The following SEPTIN4 variants were observed in gnomAD, a reference collection of about 807,000 sequenced individuals.
The protein encoded by SEPTIN4 is septin-4.
SEPTIN4 carries 52 observed loss-of-function variants against 107.1 expected under a neutral mutation model. The observed-to-expected ratio is 0.49, with a 90% CI of 0.39 to 0.61. SEPTIN4 has a LOEUF of 0.61. Ranked by LOEUF, SEPTIN4 falls within the 20% of genes least tolerant of loss-of-function variation. The pLI, the probability that SEPTIN4 is intolerant of heterozygous loss-of-function variation, is 0.00. For missense variants in SEPTIN4, 1,048 were observed against 1,243.5 expected (o/e 0.84, Z 2.36); for synonymous variants, 417 against 467.0 (o/e 0.89, Z 1.38).
At chr17:58,527,826 C>A in intron 3 of SEPTIN4, 2 of 985,588 alleles carry the variant, frequency 2.0e-6, no homozygotes, top group South Asian at 9.4e-5. Flanking sequence ...GTCTCCTTAC[C>A]CCCTCTGCCC....
chr17:58,540,661 CT>C lies in SEPTIN4; in HGVS notation c.1614+4del. On this transcript the variant is annotated splice_donor_region_variant and intron_variant, in intron 3 of 13. Transcript: ENST00000672673. Reference sequence around the variant, plus strand: ...CTGGGAGTAACCTCCCAGGGGCATTCTTACCTCCTCATCTGTCATAACAGAG... The same window carrying C: ...CTGGGAGTAACCTCCCAGGGGCATTCTACCTCCTCATCTGTCATAACAGAG... 7.3e-7 allele frequency: 1 copy of C among 1,362,940 alleles called. No individual in the cohort carries two copies. Among genetic ancestry groups the C allele is most frequent in the African/African-American group, 1.5e-5 (1 of 65,958 alleles). 84.4% of individuals were successfully genotyped at this position (1,362,940 alleles called of 1,614,324 possible). A position where few individuals can be genotyped will look rare whatever the true frequency, so the allele number is the denominator to read the frequency against.
intron 3 of SEPTIN4, chr17:58,527,225 C>T (rs2043013174): frequency 1.3e-6 from 1 of 744,372 alleles, no homozygotes; most frequent in South Asian, 1.4e-5. Context: ...CCTGGGCACC[C>T]CCAGAGCCCT....
chr17:58,520,510 T>A, intron 13 of SEPTIN4, 25 bp from the exon 14 acceptor site: 1 of 1,613,362 alleles, frequency 6.2e-7, no homozygotes, highest in Non-Finnish European at 8.5e-7. Context: ...GGCATCAAAA[T>A]GGGGACTTTT....
intron 2 of SEPTIN4, 98 bp downstream of exon 2, chr17:58,541,824 A>C (rs1232717180): frequency 1.2e-6 from 2 of 1,613,234 alleles, no homozygotes; most frequent in Admixed American, 1.7e-5. Flanking sequence ...TTTATCTCCT[A>C]AACGACCCAG....
At chr17:58,520,911 A>G (rs765159486) in intron 12 of SEPTIN4, 69 bp from the exon 13 acceptor site, 31 of 1,612,136 alleles carry the variant, frequency 1.9e-5, no homozygotes, top group Admixed American at 3.3e-5. Flanking sequence ...CCCAGGGCCT[A>G]TAGAAGAACA....
intron 3 of SEPTIN4, among the ~76,000 whole-genome samples, chr17:58,536,884 C>A (rs2043731867): frequency 6.6e-6 from 1 of 152,214 alleles, no homozygotes; most frequent in African/African-American, 2.4e-5. Flanking sequence ...AAGTATGCAC[C>A]CTGGCCTCTG....
intron 5 of SEPTIN4, 138 bp from the exon 6 acceptor site, chr17:58,525,919 A>T: frequency 2.3e-6 from 2 of 868,960 alleles, no homozygotes; most frequent in Non-Finnish European, 3.5e-6. Flanking sequence ...AGCATTTTAG[A>T]GCTGGGAGGA....
At chr17:58,525,286 C>T in intron 6 of SEPTIN4, 85 bp from the exon 7 acceptor site, 5 of 1,531,962 alleles carry the variant, frequency 3.3e-6, no homozygotes, top group Non-Finnish European at 4.4e-6. Context: ...AGCCTTGTTG[C>T]TCAGACTGCC....
intron 3 of SEPTIN4, chr17:58,532,026 G>C (rs1258202713): frequency 2.7e-6 from 3 of 1,130,588 alleles, no homozygotes; most frequent in East Asian, 4.7e-5. Context: ...CGGCGGAGCT[G>C]CGCGCCGACC....
Position 58,521,128 on chromosome 17 carries a change from G to C in SEPTIN4, c.2701C>G (p.Leu901Val), listed in dbSNP as rs2042221307. 1 of 1,614,020 alleles carries C rather than the reference G, an allele frequency of 6.2e-7. No individual in the cohort carries two copies. ...TGGGTACGTACCAGCATTGTCCTCA[G>C]CTTCACAAAGTCGCAGTGCCCTGGG... ...ENPGHCDFVK[L>V]RTMLVRTHMQ... is the part of the protein sequence containing the mutation. Residue 901 changes from leucine (L) to valine (V), a missense_variant, in exon 12 of 14, where the codon CTG (leucine) becomes GTG (valine). This residue lies in a region of SEPTIN4 where 261 missense variants were observed against 371.7 expected (regional missense o/e 0.70). Coordinates refer to ENST00000672673, the MANE Select transcript of SEPTIN4 (RefSeq NM_001368771.2). This position sits in a 1 kb window ranked among gnomAD's most constrained non-coding sequence, Gnocchi z 6.4.
Position 58,543,126 on chromosome 17 carries a change from G to A in SEPTIN4, c.1061C>T (p.Ser354Leu). Residue 354 changes from serine to leucine, a missense_variant, in exon 1 of 14, where the codon TCA becomes TTA. Physicochemically the swap from Ser to Leu is moderately radical, Grantham distance 145 (BLOSUM62 -2). Coordinates refer to ENST00000672673, the MANE Select transcript of SEPTIN4 (RefSeq NM_001368771.2). ...VEPTHHVTVP[S>L]VSEGSHKSSM... ...TGACTTGTGGGAGCCCTCAGACACT[G>A]ATGGAACTGTCACATGGTGAGTTGG... 1 of 1,612,370 alleles carries A rather than the reference G, an allele frequency of 6.2e-7. No individual in the cohort carries two copies. Among genetic ancestry groups the A allele is most frequent in the Non-Finnish European group, 8.5e-7 (1 of 1,178,822 alleles).
intron 4 of SEPTIN4, 148 bp downstream of exon 4, chr17:58,526,534 A>G: frequency 7.1e-7 from 1 of 1,409,408 alleles, no homozygotes; most frequent in Non-Finnish European, 9.2e-7. Context: ...GCTAGGGCTG[A>G]CACAGGACTG....
rs547060448 is a variant in SEPTIN4 at position 58,528,050 on chromosome 17, T to C, written c.1615-1072A>G. 1.9e-3 allele frequency: 1,832 copies of C among 985,180 alleles called. 3 individuals carry two copies. The highest frequency in any genetic ancestry group is 2.1e-3 in the Non-Finnish European group (1,706 of 829,832). The allele number at this position is 985,180 out of a possible 1,614,324, so 61.0% of individuals were successfully genotyped here. On this transcript the variant is annotated intron_variant, in intron 3 of 13. Transcript: ENST00000672673. ...TCCTTCGTGGGGTGCCTGGCAGTGC[T>C]GGGCTCAGCTCTGCCTCACAATACC...
chr17:58,540,561 G>A (rs2043851405), intron 3 of SEPTIN4, 105 bp downstream of exon 3: 3 of 911,072 alleles, frequency 3.3e-6, no homozygotes, highest in South Asian at 3.3e-5. Flanking sequence ...ATAGGGAGCA[G>A]CTCTGTCTCC....
rs1284830611 is a variant in SEPTIN4, at chr17:58,541,718, A to G, written c.1606+204T>C. 6 of 1,444,418 alleles carry G rather than the reference A, an allele frequency of 4.2e-6. No individual in the cohort carries two copies. In the South Asian group the frequency reaches 5.5e-5, roughly 13 times the overall value. The allele number at this position is 1,444,418 out of a possible 1,614,324, so 89.5% of individuals were successfully genotyped here. ...TCCTGTTAAAAGGAGACTCTTGAAA[A>G]TGGAAAAGGTTCCAAGCCCCAAAGA... On this transcript the variant is annotated intron_variant, in intron 2 of 13. Coordinates refer to ENST00000672673, the MANE Select transcript of SEPTIN4 (RefSeq NM_001368771.2).
At chr17:58,539,229 T>C in intron 3 of SEPTIN4, 4 of 1,475,966 alleles carry the variant, frequency 2.7e-6, no homozygotes, top group Non-Finnish European at 3.6e-6. Flanking sequence ...CGAGACCGGA[T>C]AAGAGCTATT....
intron 3 of SEPTIN4, among the ~76,000 whole-genome samples, chr17:58,537,356 C>T (rs556740105): frequency 6.6e-6 from 1 of 152,258 alleles, no homozygotes; most frequent in Admixed American, 6.5e-5. Context: ...CCCAGGCAAA[C>T]CCTGATGAGT....
At chr17:58,526,148 C>G in intron 5 of SEPTIN4, 72 bp downstream of exon 5, 1 of 1,448,674 alleles carries the variant, frequency 6.9e-7, no homozygotes, top group East Asian at 2.6e-5. Flanking sequence ...ATACTCCCTT[C>G]CCACTCACGG....
At position 58,520,839 on chromosome 17, in the gene SEPTIN4, T is replaced by C. The variant is rs199994022; in HGVS notation, c.2835A>G (p.Lys945=). ...AGTCGGTACCACTTTCCCGAGTCAG[T>C]TTGCTAAAGGGAGAAAAGGGTTGAT... is the stretch of plus-strand genomic sequence containing the variant. ...RLVVKERNRN[K]LTRESGTDFP... Residue 945 remains lysine, a synonymous_variant, in exon 13 of 14, where the codon AAA becomes AAG. Coordinates refer to ENST00000672673, the MANE Select transcript of SEPTIN4 (RefSeq NM_001368771.2). The C allele has an allele frequency of 3.1e-6, 5 of 1,596,426 alleles. No individual in the cohort carries two copies. The highest frequency in any genetic ancestry group is 1.7e-4 in the Middle Eastern group (1 of 6,030).
Sources: gnomAD v4.1 joint callset for allele counts (sites outside exome capture counted in the v4.1 genomes callset) on GRCh38, gnomAD v4.1.1 for gene constraint, gnomAD v4.1.1 regional missense constraint, Gnocchi (gnomAD v3.1) non-coding constraint, MANE v1.5 for transcripts, NCBI Gene and HGNC (gene_info 2026-07-23, HGNC 2026-07-21) for gene names.